The following PTCHD4 variants were observed in gnomAD, a reference collection of about 807,000 sequenced individuals.
The protein encoded by PTCHD4 is patched domain-containing protein 4.
A neutral mutation model predicts 58.1 loss-of-function variants in PTCHD4; 33 were observed. The observed-to-expected ratio is 0.57, with a 90% CI of 0.43 to 0.76. The LOEUF (loss-of-function observed/expected upper bound fraction) is 0.76, where lower values mean the gene tolerates loss of function less well. Among genes scored for constraint, PTCHD4 ranks in the 30% least tolerant of loss-of-function variants. The pLI is 0.00. For synonymous variants in PTCHD4, 478 were observed against 409.6 expected (o/e 1.17, Z -2.02); for missense variants, 1,058 against 1,027.1 (o/e 1.03, Z -0.41).
chr6:48,072,232 A>G (rs550855393), intron 1 of PTCHD4, among the ~76,000 whole-genome samples: 34 of 151,780 alleles, frequency 2.2e-4, no homozygotes, highest in African/African-American at 7.7e-4. Flanking sequence ...ATATTTGTCT[A>G]TTTTCTCTAT....
In PTCHD4 at chr6:48,042,155, A is replaced by C. The variant is rs935358953; in HGVS notation, c.417+26075T>G. ...ATGCTTTGTTCTCTTCACATTGATT[A>C]ACTCCAAGAAAAGAGAAAGACTCCC... On this transcript the variant is annotated intron_variant, in intron 3 of 4. Coordinates refer to ENST00000339488, the MANE Select transcript of PTCHD4 (RefSeq NM_001384253.1). Among the ~76,000 whole-genome samples, 3 of 152,114 alleles carry C rather than the reference A, an allele frequency of 2.0e-5. No homozygotes were observed. The East Asian group carries it at 5.8e-4, about 29-fold the overall frequency.
At chr6:48,075,651 A>T (rs1331811474) in intron 1 of PTCHD4, among the ~76,000 whole-genome samples, 3 of 152,198 alleles carry the variant, frequency 2.0e-5, no homozygotes, top group East Asian at 1.9e-4. Context: ...AGTCACACAA[A>T]TTTTTTGGTT....
intron 3 of PTCHD4, among the ~76,000 whole-genome samples, chr6:48,041,641 C>T (rs189852489): frequency 2.6e-5 from 4 of 152,032 alleles, no homozygotes; most frequent in Middle Eastern, 3.4e-3. Flanking sequence ...GATTATTGTC[C>T]GGTATGTCAA....
At chr6:47,959,433 G>A (rs372605754) in intron 4 of PTCHD4, among the ~76,000 whole-genome samples, 7 of 152,074 alleles carry the variant, frequency 4.6e-5, no homozygotes, top group Admixed American at 1.3e-4. Context: ...GTGAGCAGTC[G>A]GATAACTTCA....
At position 47,995,587 on chromosome 6, in the gene PTCHD4, T is replaced by A. The variant is rs559714872; in HGVS notation, c.898+13047A>T. Among the ~76,000 whole-genome samples, 24 of 152,328 alleles carry A rather than the reference T, an allele frequency of 1.6e-4. No individual in the cohort carries two copies. In the South Asian group the frequency reaches 4.8e-3, roughly 30 times the overall value. ...TGAGAGTTTGGTTTGCCACTGTACC[T>A]TTATAAAACAATTTCTTGACCCATA... On this transcript the variant is annotated intron_variant, in intron 4 of 4. Transcript: ENST00000339488.
At position 48,032,259 on chromosome 6, in the gene PTCHD4, T is replaced by G. The variant is rs1184355150; in HGVS notation, c.418-23145A>C. 2.0e-5 allele frequency among the ~76,000 whole-genome samples: 3 copies of G among 152,166 alleles called. No individual in the cohort carries two copies. The East Asian group carries it at 5.8e-4, about 29-fold the overall frequency. ...ATTTCCTGTTTCGTAGCCAGACATCTGTAAAGATGGAAATAGTCATAAAAA... is the reference window on the plus strand; with the variant it reads ...ATTTCCTGTTTCGTAGCCAGACATCGGTAAAGATGGAAATAGTCATAAAAA... On this transcript the variant is annotated intron_variant, in intron 3 of 4. Transcript: ENST00000339488.
intron 4 of PTCHD4, among the ~76,000 whole-genome samples, chr6:47,965,725 G>A (rs1457246316): frequency 1.3e-5 from 2 of 152,092 alleles, no homozygotes; most frequent in African/African-American, 2.4e-5. Context: ...TCAGGAAATC[G>A]AGACCATCTT....
intron 1 of PTCHD4, among the ~76,000 whole-genome samples, chr6:48,102,532 G>A (rs1765627033): frequency 1.3e-5 from 2 of 152,218 alleles, no homozygotes; most frequent in East Asian, 1.9e-4. Flanking sequence ...TTCCCAGCGT[G>A]AGCGATGCAG....
chr6:47,934,483 C>A (rs1581900399), intron 4 of PTCHD4, among the ~76,000 whole-genome samples: 1 of 151,694 alleles, frequency 6.6e-6, no homozygotes, highest in African/African-American at 2.4e-5. Context: ...TGCTTTCCAG[C>A]ACATCTTACC....
At chr6:47,975,660 C>A (rs772952450) in intron 4 of PTCHD4, among the ~76,000 whole-genome samples, 5 of 152,150 alleles carry the variant, frequency 3.3e-5, no homozygotes, top group Non-Finnish European at 7.3e-5. Flanking sequence ...CACCCACCTG[C>A]GCCTCTTCCT....
chr6:48,067,289 T>C (rs1764833242), intron 3 of PTCHD4, among the ~76,000 whole-genome samples: 1 of 152,238 alleles, frequency 6.6e-6, no homozygotes. Flanking sequence ...ATTGAGAGTC[T>C]AAACAGCACA....
At chr6:48,093,502 G>A (rs1047724185) in intron 1 of PTCHD4, among the ~76,000 whole-genome samples, 11 of 152,070 alleles carry the variant, frequency 7.2e-5, no homozygotes, top group Admixed American at 3.9e-4. Flanking sequence ...TTTGTAAAAT[G>A]ATGTGTTAAT....
At position 47,878,256 on chromosome 6, in the gene PTCHD4, C is replaced by T. The variant is rs1454397733; in HGVS notation, c.*47G>A. ...GGTCTGAGCTTTACTTGCCCTGCAT[C>T]ATTGTGCAATACTGGAAAAGAAAAA... On this transcript the variant is annotated 3_prime_UTR_variant, in exon 5 of 5. Transcript: ENST00000339488. 1 of 1,500,452 alleles carries T rather than the reference C, an allele frequency of 6.7e-7. No homozygotes were observed. The highest frequency in any genetic ancestry group is 9.0e-7 in the Non-Finnish European group (1 of 1,115,796). 92.9% of individuals were successfully genotyped at this position (1,500,452 alleles called of 1,614,324 possible). A position where few individuals can be genotyped will look rare whatever the true frequency, so the allele number is the denominator to read the frequency against.
intron 4 of PTCHD4, among the ~76,000 whole-genome samples, chr6:47,940,679 A>G (rs1160785021): frequency 6.6e-6 from 1 of 152,208 alleles, no homozygotes; most frequent in Non-Finnish European, 1.5e-5. Flanking sequence ...TATGTAAGAA[A>G]CAGCACTTTG....
chr6:47,997,602 C>T (rs1397783816), intron 4 of PTCHD4, among the ~76,000 whole-genome samples: 3 of 152,122 alleles, frequency 2.0e-5, no homozygotes, highest in African/African-American at 7.2e-5. Flanking sequence ...AACTCAAACT[C>T]AGGATTGTAC....
At chr6:47,926,246 A>C (rs1016990520) in intron 4 of PTCHD4, among the ~76,000 whole-genome samples, 25 of 152,172 alleles carry the variant, frequency 1.6e-4, no homozygotes, top group African/African-American at 6.0e-4. Context: ...ACTCTTATAC[A>C]AATATATTTT....
rs1763564371 is a variant in PTCHD4 at position 47,866,430 on chromosome 6, C to A, written c.*11873G>T. Among the ~76,000 whole-genome samples the A allele has an allele frequency of 6.6e-6, 1 of 151,766 alleles. No individual in the cohort carries two copies. Among genetic ancestry groups the A allele is most frequent in the Non-Finnish European group, 1.5e-5 (1 of 67,838 alleles). The stretch of plus-strand genomic sequence containing the variant: ...TCCAAAGTACAGCAAATTTTGAGAA[C>A]CACTAGCTTTGTTACTCCTAGGGTT... On this transcript the variant is annotated 3_prime_UTR_variant, in exon 5 of 5. Coordinates refer to ENST00000339488, the MANE Select transcript of PTCHD4 (RefSeq NM_001384253.1).
intron 3 of PTCHD4, among the ~76,000 whole-genome samples, chr6:48,063,935 C>T (rs575223815): frequency 1.8e-3 from 279 of 152,260 alleles, no homozygotes; most frequent in African/African-American, 6.6e-3. Flanking sequence ...AAATAATTAA[C>T]GGCAACATCT....
intron 4 of PTCHD4, among the ~76,000 whole-genome samples, chr6:47,960,231 G>A (rs1767027608): frequency 6.6e-6 from 1 of 151,992 alleles, no homozygotes; most frequent in Non-Finnish European, 1.5e-5. Flanking sequence ...TAGCTAATAA[G>A]CTAACCGAGG....
Sources: allele counts gnomAD v4.1 joint callset (sites outside exome capture counted in the v4.1 genomes callset), GRCh38; gene constraint gnomAD v4.1.1; transcripts MANE v1.5; gene names NCBI Gene and HGNC (gene_info 2026-07-23, HGNC 2026-07-21).